The following BANK1 variants were observed in gnomAD, a reference collection of about 807,000 sequenced individuals.
BANK1 encodes B-cell scaffold protein with ankyrin repeats.
BANK1 carries 95 observed loss-of-function variants against 94.5 expected under a neutral mutation model. The ratio of observed to expected loss-of-function variants is 1.00; its 90% CI spans 0.85 to 1.19. The LOEUF is 1.19. Ranked by LOEUF, BANK1 falls within the 50% of genes most tolerant of loss-of-function variation. The pLI is 0.00. For missense variants in BANK1, 987 were observed against 932.2 expected (o/e 1.06, Z -0.77); for synonymous variants, 334 against 308.4 (o/e 1.08, Z -0.87).
Position 101,917,986 on chromosome 4 carries a change from C to G in BANK1, c.1010-7C>G, listed in dbSNP as rs1185033502. ...ACATTAAATCCTACTACTTCTTATG[C>G]TTACAGATACTCATTTCAAAGAACT... On this transcript the variant is annotated splice_region_variant and splice_polypyrimidine_tract_variant and intron_variant, in intron 6 of 16. Coordinates refer to ENST00000322953, the MANE Select transcript of BANK1 (RefSeq NM_017935.5). 2 of 1,591,482 alleles carry G rather than the reference C, an allele frequency of 1.3e-6. No homozygotes were observed. Among genetic ancestry groups the G allele is most frequent in the African/African-American group, 2.7e-5 (2 of 74,326 alleles).
intron 7 of BANK1, among the ~76,000 whole-genome samples, chr4:101,986,965 A>G (rs531644428): frequency 9.4e-6 from 1 of 106,400 alleles, no homozygotes; most frequent in African/African-American, 3.8e-5. Flanking sequence ...TTTTAAGTTA[A>G]GTAACCTCAA....
intron 12 of BANK1, 97 bp downstream of exon 12, chr4:102,060,486 T>C (rs1728383662): frequency 2.2e-6 from 3 of 1,342,376 alleles, no homozygotes; most frequent in Non-Finnish European, 3.0e-6. Context: ...GTAACTGTTC[T>C]TTCATTTTTA....
intron 7 of BANK1, among the ~76,000 whole-genome samples, chr4:101,958,082 G>A (rs1265862680): frequency 2.6e-5 from 4 of 151,876 alleles, no homozygotes; most frequent in African/African-American, 7.2e-5. Context: ...TCCTGACCCC[G>A]TGATCTGCCC....
Position 102,048,111 on chromosome 4 carries a change from ATACT to A in BANK1, c.1969+4207_1969+4210del, listed in dbSNP as rs1727942160. Among the ~76,000 whole-genome samples, 3 of 152,298 alleles carry A rather than the reference ATACT, an allele frequency of 2.0e-5. No individual in the cohort carries two copies. The South Asian group carries it at 6.2e-4, about 32-fold the overall frequency. On this transcript the variant is annotated intron_variant, in intron 11 of 16. Transcript: ENST00000322953. ...TGTCTGTAATATTTTTTCTGTGTAC[ATACT>A]TAAATACAACTTATTGATGATATTT...
intron 5 of BANK1, among the ~76,000 whole-genome samples, chr4:101,891,580 C>T (rs1337446285): frequency 6.6e-6 from 1 of 152,026 alleles, no homozygotes; most frequent in Non-Finnish European, 1.5e-5. Flanking sequence ...TTTTCATCCC[C>T]ACCCTGTTTC....
At chr4:101,839,645 A>G (rs1052475519) in intron 2 of BANK1, among the ~76,000 whole-genome samples, 1 of 152,134 alleles carries the variant, frequency 6.6e-6, no homozygotes. Flanking sequence ...CCTATCCCCT[A>G]ATAAATGCTC....
chr4:101,813,431 A>T (rs1259893743), intron 1 of BANK1, among the ~76,000 whole-genome samples: 1 of 152,222 alleles, frequency 6.6e-6, no homozygotes, highest in Non-Finnish European at 1.5e-5. Flanking sequence ...ATCTACTATG[A>T]TACTGGAAAT....
intron 1 of BANK1, among the ~76,000 whole-genome samples, chr4:101,829,425 G>GTT (rs144220121): frequency 1.1e-4 from 17 of 148,076 alleles, no homozygotes; most frequent in South Asian, 6.4e-4. Context: ...CTCCTCCTTT[G>GTT]TTTTTTTTTG....
At chr4:101,903,234 G>A (rs57799233) in intron 6 of BANK1, among the ~76,000 whole-genome samples, 64,694 of 152,002 alleles carry the variant, frequency 0.43, 15,784 homozygotes, top group South Asian at 0.56. Context: ...TTCAAAACCT[G>A]AAACACCTTC....
intron 1 of BANK1, among the ~76,000 whole-genome samples, chr4:101,814,291 G>A (rs760064269): frequency 5.3e-5 from 8 of 152,114 alleles, no homozygotes; most frequent in Non-Finnish European, 1.2e-4. Context: ...ATTCAGGCAG[G>A]TAAAACAAAT....
At chr4:101,868,481 G>T (rs942749276) in intron 4 of BANK1, among the ~76,000 whole-genome samples, 2 of 151,980 alleles carry the variant, frequency 1.3e-5, no homozygotes, top group Non-Finnish European at 2.9e-5. Flanking sequence ...AGCAAAAGCT[G>T]CTGGAATTGA....
rs867496371 is a variant in BANK1, at chr4:101,902,742, G to A, written c.1009+7332G>A. On this transcript the variant is annotated intron_variant, in intron 6 of 16. Transcript: ENST00000322953. ...TCCTTAGTGCTGTATCTGCATTTGA[G>A]ATCAGAGGCATTAACATGGGTTAAA... Among the ~76,000 whole-genome samples the A allele has an allele frequency of 2.0e-5, 3 of 152,200 alleles. No individual in the cohort carries two copies. In the South Asian group the frequency reaches 6.2e-4, roughly 32 times the overall value.
chr4:102,073,995 T>C lies in BANK1; in HGVS notation c.*6-10T>C. On this transcript the variant is annotated splice_polypyrimidine_tract_variant and intron_variant, in intron 16 of 16. Coordinates refer to ENST00000322953, the MANE Select transcript of BANK1 (RefSeq NM_017935.5). Reference sequence around the variant, plus strand: ...ATTCACTAATACATTTCCTATTTTCTCATTTCCAGGTTATTATAATGAAAC... The same window carrying C: ...ATTCACTAATACATTTCCTATTTTCCCATTTCCAGGTTATTATAATGAAAC... The C allele has an allele frequency of 3.5e-6, 1 of 283,456 alleles. No homozygotes were observed. Among genetic ancestry groups the C allele is most frequent in the Non-Finnish European group, 6.5e-6 (1 of 154,006 alleles). 17.6% of individuals were successfully genotyped at this position (283,456 alleles called of 1,614,324 possible).
chr4:101,829,854 A>G lies in BANK1; in HGVS notation c.117A>G (p.Glu39=). 6.3e-7 allele frequency: 1 copy of G among 1,593,910 alleles called. No individual in the cohort carries two copies. The highest frequency in any genetic ancestry group is 2.2e-5 in the East Asian group (1 of 44,728). The change falls in exon 2 of 17, where the codon GAA becomes GAG. Residue 39 remains glutamate, a synonymous_variant. Coordinates refer to ENST00000322953, the MANE Select transcript of BANK1 (RefSeq NM_017935.5). ...TGATATATGAAGAAGATGCTGAGGAATGGGCTCTGTACTTGACAGAAGTAT... is the reference window on the plus strand; with the variant it reads ...TGATATATGAAGAAGATGCTGAGGAGTGGGCTCTGTACTTGACAGAAGTAT... ...IIMIYEEDAE[E]WALYLTEVFL...
chr4:102,060,777 T>C (rs1728392932), intron 12 of BANK1, among the ~76,000 whole-genome samples: 1 of 152,216 alleles, frequency 6.6e-6, no homozygotes, highest in African/African-American at 2.4e-5. Context: ...GCAACAGTCC[T>C]AAATAAAATG....
At chr4:102,062,998 A>T (rs1728471261) in intron 12 of BANK1, 77 bp from the exon 13 acceptor site, 2 of 1,137,830 alleles carry the variant, frequency 1.8e-6, no homozygotes, top group Admixed American at 3.7e-5. Context: ...TGGTATTGCT[A>T]ATAGTAGTTG....
chr4:101,973,447 T>C (rs1725020887), intron 7 of BANK1, among the ~76,000 whole-genome samples: 1 of 152,098 alleles, frequency 6.6e-6, no homozygotes, highest in African/African-American at 2.4e-5. Flanking sequence ...TGTTGCATAG[T>C]TGAAATGTAA....
rs150700698 is a variant in BANK1 at position 101,953,144 on chromosome 4, A to G, written c.1206+34955A>G. On this transcript the variant is annotated intron_variant, in intron 7 of 16. Transcript: ENST00000322953. ...GAAATGAAATGAAAAAAGAAATTGT[A>G]TTACTTGAAACTTTGCCATGTGCAA... Among the ~76,000 whole-genome samples, 483 of 152,212 alleles carry G rather than the reference A, an allele frequency of 3.2e-3. 3 individuals carry two copies. The highest frequency in any genetic ancestry group is 0.011 in the African/African-American group (458 of 41,538).
intron 7 of BANK1, among the ~76,000 whole-genome samples, chr4:101,986,087 A>G (rs1725473398): frequency 1.3e-5 from 2 of 152,154 alleles, no homozygotes; most frequent in South Asian, 2.1e-4. Context: ...GAGAAACTCA[A>G]AACTCTCTTA....
Sources: allele counts gnomAD v4.1 joint callset (sites outside exome capture counted in the v4.1 genomes callset), GRCh38; gene constraint gnomAD v4.1.1; transcripts MANE v1.5; gene names NCBI Gene and HGNC (gene_info 2026-07-23, HGNC 2026-07-21).